Variants in SLA2 observed in about 807,000 individuals in gnomAD.
The protein encoded by SLA2 is Src like adaptor 2, also known as src-like-adapter 2.
SLA2 carries 22 observed loss-of-function variants against 27.3 expected under a neutral mutation model. The ratio of observed to expected loss-of-function variants is 0.81; its 90% CI spans 0.58 to 1.15. SLA2 has a LOEUF of 1.15. Ranked by LOEUF, SLA2 falls within the 50% of genes most tolerant of loss-of-function variation. The pLI is 0.00. For synonymous variants in SLA2, 131 were observed against 137.8 expected, an observed-to-expected ratio of 0.95 and a Z score of 0.34; for missense variants, 304 against 322.2, an observed-to-expected ratio of 0.94 and a Z score of 0.43.
At chr20:36,642,205 G>T in intron 1 of SLA2, among the ~76,000 whole-genome samples, 1 of 17,094 alleles carries the variant, frequency 5.9e-5, no homozygotes, top group Non-Finnish European at 1.2e-4. Flanking sequence ...AAAGGACCGT[G>T]GGTTGTATGA....
chr20:36,632,757 A>T, intron 4 of SLA2, 59 bp from the exon 5 acceptor site: 1 of 1,407,438 alleles, frequency 7.1e-7, no homozygotes, highest in Non-Finnish European at 9.9e-7. Context: ...GAGGGAAGCC[A>T]AGATTTTACC....
At position 36,635,014 on chromosome 20, in the gene SLA2, A is replaced by G. The variant is rs2039430508; in HGVS notation, c.92-425T>C. ...GGCTAATTTAAAACAATTTTTTAGT[A>G]GAGATGAGGTCTTGCTATGTTGCCC... On this transcript the variant is annotated intron_variant, in intron 2 of 7. Transcript: ENST00000262866. Among the ~76,000 whole-genome samples the G allele has an allele frequency of 2.0e-5, 3 of 152,014 alleles. No individual in the cohort carries two copies. In the South Asian group the frequency reaches 6.2e-4, roughly 32 times the overall value.
chr20:36,645,124 G>A (rs1978286856), intron 1 of SLA2, among the ~76,000 whole-genome samples: 1 of 151,902 alleles, frequency 6.6e-6, no homozygotes, highest in African/African-American at 2.4e-5. Flanking sequence ...AGGATTGCTT[G>A]AGGCCAGGAG....
chr20:36,645,380 A>T (rs1978287174), intron 1 of SLA2, among the ~76,000 whole-genome samples: 1 of 151,892 alleles, frequency 6.6e-6, no homozygotes, highest in South Asian at 2.1e-4. Flanking sequence ...AAAAAAAATG[A>T]ATTTGGATTG....
chr20:36,634,785 C>CAGAGAGAG lies in SLA2; in HGVS notation c.92-204_92-197dup, dbSNP rs113633781. Among the ~76,000 whole-genome samples, 915 of 147,144 alleles carry CAGAGAGAG rather than the reference C, an allele frequency of 6.2e-3. 7 individuals carry two copies. The highest frequency in any genetic ancestry group is 0.022 in the African/African-American group (874 of 39,696). On this transcript the variant is annotated intron_variant, in intron 2 of 7. Transcript: ENST00000262866. ...AACTTTGCAGAGCCCTGACAGTGCC[C>CAGAGAGAG]AGAGAGAGAGAGAGAGAGAGAGAAA...
chr20:36,621,188 G>GA, intron 5 of SLA2: 1 of 476,764 alleles, frequency 2.1e-6, no homozygotes, highest in South Asian at 1.7e-5. Context: ...CAAGGTGGTG[G>GA]ATATGGTGGC....
intron 5 of SLA2, among the ~76,000 whole-genome samples, chr20:36,624,226 C>T (rs151250671): frequency 1.4e-3 from 211 of 152,268 alleles, no homozygotes; most frequent in African/African-American, 4.6e-3. Context: ...GTCAGGTCGT[C>T]TCATGCCCCT....
intron 7 of SLA2, 48 bp downstream of exon 7, chr20:36,614,257 T>C (rs1460842084): frequency 6.2e-7 from 1 of 1,614,004 alleles, no homozygotes. Context: ...GGTGGGTCCT[T>C]CTAACTCTTG....
intron 5 of SLA2, among the ~76,000 whole-genome samples, chr20:36,617,552 A>G (rs1224676418): frequency 6.7e-6 from 1 of 150,154 alleles, no homozygotes; most frequent in Admixed American, 6.6e-5. Context: ...AAAAAAAAAA[A>G]AAAAATTAAA....
In SLA2 at chr20:36,632,627, G is replaced by T; in HGVS notation, c.350C>A (p.Ala117Asp). Residue 117 changes from alanine to aspartate, a missense_variant, in exon 5 of 8, where the codon GCC (alanine) becomes GAC (aspartate). Coordinates refer to ENST00000262866, the MANE Select transcript of SLA2 (RefSeq NM_032214.4). ...LLLLPGNPGG[A>D]FLIRESQTRR... ...GGTCTGGCTCTCCCGGATGAGGAAG[G>T]CCCCTCCAGGGTTCCCAGGTAACAA... 6.2e-7 allele frequency: 1 copy of T among 1,614,184 alleles called. No individual in the cohort carries two copies. The highest frequency in any genetic ancestry group is 8.5e-7 in the Non-Finnish European group (1 of 1,180,004).
chr20:36,614,248 G>A (rs961305181), intron 7 of SLA2, 57 bp downstream of exon 7: 3 of 1,613,448 alleles, frequency 1.9e-6, no homozygotes, highest in African/African-American at 1.3e-5. Context: ...CTTCCCAGGG[G>A]TGGGTCCTTC....
intron 5 of SLA2, among the ~76,000 whole-genome samples, chr20:36,624,471 T>C (rs1259820707): frequency 6.6e-6 from 1 of 152,226 alleles, no homozygotes; most frequent in East Asian, 1.9e-4. Flanking sequence ...TTCTTATTTG[T>C]TTACTGTCCA....
intron 1 of SLA2, among the ~76,000 whole-genome samples, chr20:36,644,514 T>G (rs1978286125): frequency 1.3e-5 from 2 of 152,342 alleles, no homozygotes; most frequent in Middle Eastern, 6.8e-3. Flanking sequence ...GAGAGACTCC[T>G]TCCTGCCGCA....
chr20:36,628,877 ACAAAT>A (rs2039365292), intron 5 of SLA2, among the ~76,000 whole-genome samples: 1 of 152,054 alleles, frequency 6.6e-6, no homozygotes, highest in Admixed American at 6.6e-5. Flanking sequence ...TTCTTGACCC[ACAAAT>A]CAACCATGAC....
intron 1 of SLA2, 140 bp from the exon 2 acceptor site, chr20:36,641,518 C>G (rs2039506622): frequency 1.8e-6 from 1 of 545,952 alleles, no homozygotes; most frequent in African/African-American, 1.9e-5. Flanking sequence ...GCTCCAGCCT[C>G]TCTGCCAGCC....
intron 5 of SLA2, among the ~76,000 whole-genome samples, chr20:36,632,243 C>T (rs2039400223): frequency 6.6e-6 from 1 of 152,132 alleles, no homozygotes; most frequent in Non-Finnish European, 1.5e-5. Context: ...AGCCCACTGG[C>T]CCACCCCAGC....
chr20:36,632,820 T>C (rs1210783719), intron 4 of SLA2, 122 bp from the exon 5 acceptor site: 7 of 729,010 alleles, frequency 9.6e-6, no homozygotes, highest in African/African-American at 3.5e-5. Flanking sequence ...CTCAGAGTTC[T>C]ATCTGCTCCA....
chr20:36,619,371 C>A (rs1307918944), intron 5 of SLA2, among the ~76,000 whole-genome samples: 1 of 148,298 alleles, frequency 6.7e-6, no homozygotes, highest in Non-Finnish European at 1.5e-5. Context: ...ACTAAAAATA[C>A]AAAAATTAGC....
Position 36,613,700 on chromosome 20 carries a change from A to T in SLA2, c.*166T>A, listed in dbSNP as rs910672888. On this transcript the variant is annotated 3_prime_UTR_variant, in exon 8 of 8. Transcript: ENST00000262866. ...CACTGGAAGGAAGTAGGTGACTTCT[A>T]AGGGCTAAGAGAGGAAAGAGCAAGG... is the stretch of plus-strand genomic sequence containing the variant. 3 of 773,530 alleles carry T rather than the reference A, an allele frequency of 3.9e-6. No individual in the cohort carries two copies. Among genetic ancestry groups the T allele is most frequent in the Non-Finnish European group, 5.9e-6 (3 of 504,284 alleles). The allele number at this position is 773,530 out of a possible 1,614,324, so 47.9% of individuals were successfully genotyped here.
Sources: gnomAD v4.1 joint callset for allele counts (sites outside exome capture counted in the v4.1 genomes callset) on GRCh38, gnomAD v4.1.1 for gene constraint, MANE v1.5 for transcripts, NCBI Gene and HGNC (gene_info 2026-07-23, HGNC 2026-07-21) for gene names.